The following CNTNAP5 variants were observed in gnomAD, a reference collection of about 807,000 sequenced individuals.
CNTNAP5 encodes contactin-associated protein-like 5.
CNTNAP5 carries 72 observed loss-of-function variants against 150.2 expected under a neutral mutation model. That is an observed-to-expected ratio of 0.48 (90% CI 0.40 to 0.58). The LOEUF is 0.58. CNTNAP5 is among the 20% of genes least tolerant of loss of function. The probability of loss-of-function intolerance (pLI) is 0.00; values close to 1 mark genes in which losing one functional copy is unlikely to be tolerated. For synonymous variants in CNTNAP5, 672 were observed against 619.8 expected (o/e 1.08, Z -1.25); for missense variants, 1,636 against 1,626.2 (o/e 1.01, Z -0.10).
intron 6 of CNTNAP5, among the ~76,000 whole-genome samples, chr2:124,458,339 T>C (rs1693170804): frequency 9.5e-6 from 1 of 105,754 alleles, no homozygotes; most frequent in African/African-American, 3.5e-5. Flanking sequence ...TACTCAACCG[T>C]AAAAAGGAAT....
chr2:124,340,116 C>A (rs915226477), intron 3 of CNTNAP5, among the ~76,000 whole-genome samples: 2 of 152,064 alleles, frequency 1.3e-5, no homozygotes, highest in Non-Finnish European at 2.9e-5. Flanking sequence ...AATCTTGTAG[C>A]CTTTCATTAT....
At chr2:124,512,376 G>A (rs577580310) in intron 8 of CNTNAP5, among the ~76,000 whole-genome samples, 1 of 152,174 alleles carries the variant, frequency 6.6e-6, no homozygotes, top group East Asian at 1.9e-4. Context: ...AAATCCAGAA[G>A]GGTGGGTGGG....
rs138897499 is a variant in CNTNAP5 at position 124,372,432 on chromosome 2, A to G, written c.382-45011A>G. Among the ~76,000 whole-genome samples the G allele has an allele frequency of 3.6e-4, 55 of 152,188 alleles. 1 individual carries two copies. In the East Asian group the frequency reaches 7.4e-3, roughly 20 times the overall value. The stretch of plus-strand genomic sequence containing the variant: ...AATAAACTCCTTTTTACATATACAT[A>G]TATTGTATTTCTTCTGTATCTCTAG... On this transcript the variant is annotated intron_variant, in intron 3 of 23. Coordinates refer to ENST00000682447, the MANE Select transcript of CNTNAP5 (RefSeq NM_001367498.1).
chr2:124,282,516 C>T (rs1416370254), intron 3 of CNTNAP5, among the ~76,000 whole-genome samples: 1 of 152,094 alleles, frequency 6.6e-6, no homozygotes, highest in African/African-American at 2.4e-5. Flanking sequence ...CTCACAGCAC[C>T]AAGCACCTCT....
intron 22 of CNTNAP5, among the ~76,000 whole-genome samples, chr2:124,903,356 T>C (rs1403361669): frequency 6.6e-6 from 1 of 152,096 alleles, no homozygotes; most frequent in Non-Finnish European, 1.5e-5. Context: ...ATATAATGCA[T>C]TGTGTATGTG....
rs571956415 is a variant in CNTNAP5, at chr2:124,176,383, C to T, written c.83-45322C>T. Among the ~76,000 whole-genome samples, 283 of 152,294 alleles carry T rather than the reference C, an allele frequency of 1.9e-3. 1 individual carries two copies. The highest frequency in any genetic ancestry group is 6.6e-3 in the African/African-American group (276 of 41,570). On this transcript the variant is annotated intron_variant, in intron 1 of 23. Coordinates refer to ENST00000682447, the MANE Select transcript of CNTNAP5 (RefSeq NM_001367498.1). ...AGGAAACTCAGAGCTCTGAAGCAGT[C>T]CTCCTTCTAAGGGTCTTGTCACCTT...
rs1041650997 is a variant in CNTNAP5 at position 124,536,751 on chromosome 2, A to G, written c.1649+9295A>G. Among the ~76,000 whole-genome samples the G allele has an allele frequency of 1.2e-4, 19 of 152,196 alleles. 1 individual carries two copies. The highest frequency in any genetic ancestry group is 1.2e-3 in the Admixed American group (18 of 15,274). On this transcript the variant is annotated intron_variant, in intron 10 of 23. Coordinates refer to ENST00000682447, the MANE Select transcript of CNTNAP5 (RefSeq NM_001367498.1). ...AAGCAGCACTTCCTGAGGAACTTGA[A>G]GAGCAGGTTGGATTTACGGGGGTCA...
chr2:124,731,577 A>C (rs553733806), intron 13 of CNTNAP5, among the ~76,000 whole-genome samples: 1 of 152,044 alleles, frequency 6.6e-6, no homozygotes, highest in East Asian at 1.9e-4. Flanking sequence ...CAAGAAAGAA[A>C]GAAAGGAAGG....
intron 1 of CNTNAP5, among the ~76,000 whole-genome samples, chr2:124,137,641 G>T (rs1684006615): frequency 6.6e-6 from 1 of 152,166 alleles, no homozygotes; most frequent in East Asian, 1.9e-4. Flanking sequence ...CTAATACTAA[G>T]GGGCTTACAT....
intron 2 of CNTNAP5, among the ~76,000 whole-genome samples, chr2:124,227,303 C>T (rs893375506): frequency 2.0e-5 from 3 of 152,088 alleles, no homozygotes; most frequent in African/African-American, 4.8e-5. Flanking sequence ...TATATAGCCT[C>T]ATTCTATTCT....
intron 3 of CNTNAP5, among the ~76,000 whole-genome samples, chr2:124,396,271 A>G (rs186616136): frequency 6.6e-6 from 1 of 152,348 alleles, no homozygotes; most frequent in Admixed American, 6.5e-5. Flanking sequence ...GAAGCAAAGT[A>G]TAAACAGGGC....
intron 1 of CNTNAP5, among the ~76,000 whole-genome samples, chr2:124,107,625 A>G (rs1573758293): frequency 6.6e-6 from 1 of 152,248 alleles, no homozygotes; most frequent in Admixed American, 6.5e-5. Context: ...TTTTTGTTAC[A>G]GTATTTCCTC....
chr2:124,904,591 A>T (rs1016527243), intron 22 of CNTNAP5, among the ~76,000 whole-genome samples: 3 of 152,182 alleles, frequency 2.0e-5, no homozygotes, highest in Non-Finnish European at 4.4e-5. Context: ...TTAATCAACT[A>T]ATCTTTGGCA....
chr2:124,727,101 A>G (rs1300688274), intron 13 of CNTNAP5, among the ~76,000 whole-genome samples: 1 of 152,070 alleles, frequency 6.6e-6, no homozygotes, highest in Non-Finnish European at 1.5e-5. Flanking sequence ...CTGACCTTTC[A>G]CCATGTTTTG....
chr2:124,873,887 T>C (rs548822866), intron 21 of CNTNAP5, among the ~76,000 whole-genome samples: 166 of 152,200 alleles, frequency 1.1e-3, no homozygotes, highest in African/African-American at 3.8e-3. Context: ...ATCAATAGCA[T>C]TTCATTGCAA....
chr2:124,677,521 T>C (rs1007938909), intron 13 of CNTNAP5, among the ~76,000 whole-genome samples: 4 of 152,194 alleles, frequency 2.6e-5, no homozygotes, highest in African/African-American at 9.6e-5. Flanking sequence ...TGCTGATTGG[T>C]CTGTTTTTAT....
rs575675268 is a variant in CNTNAP5 at position 124,443,516 on chromosome 2, A to G, written c.734-3237A>G. 1.1e-3 allele frequency among the ~76,000 whole-genome samples: 162 copies of G among 152,168 alleles called. 1 individual carries two copies. Among genetic ancestry groups the G allele is most frequent in the Middle Eastern group, 3.4e-3 (1 of 294 alleles). On this transcript the variant is annotated intron_variant, in intron 5 of 23. Transcript: ENST00000682447. Reference sequence around the variant, plus strand: ...ACACCTAATATTTTTCTGGAAGCACAAGCAAGACATTAATAGCGGTGATTA... The same window carrying G: ...ACACCTAATATTTTTCTGGAAGCACGAGCAAGACATTAATAGCGGTGATTA...
chr2:124,645,775 C>T (rs899203606), intron 12 of CNTNAP5, among the ~76,000 whole-genome samples: 4 of 152,130 alleles, frequency 2.6e-5, no homozygotes, highest in African/African-American at 9.7e-5. Context: ...TTAATTGGCT[C>T]ATGGTTTTGC....
At chr2:124,600,606 T>C (rs1696963389) in intron 11 of CNTNAP5, among the ~76,000 whole-genome samples, 1 of 152,114 alleles carries the variant, frequency 6.6e-6, no homozygotes, top group Non-Finnish European at 1.5e-5. Context: ...AGGAAAGGAA[T>C]TCTGGTAAAT....
Sources: allele counts gnomAD v4.1 joint callset (sites outside exome capture counted in the v4.1 genomes callset), GRCh38; gene constraint gnomAD v4.1.1; transcripts MANE v1.5; gene names NCBI Gene and HGNC (gene_info 2026-07-23, HGNC 2026-07-21).